Variants in CNTN4 observed in about 807,000 individuals in gnomAD.
CNTN4 encodes the protein contactin 4.
Under a neutral mutation model 122.5 loss-of-function variants are expected in CNTN4, and 77 were observed. The observed-to-expected ratio is 0.63, with a 90% confidence interval of 0.52 to 0.76. CNTN4 has a LOEUF of 0.76. Among genes scored for constraint, CNTN4 ranks in the 30% least tolerant of loss-of-function variants. CNTN4 has a pLI of 0.00. For synonymous variants in CNTN4, 512 were observed against 447.0 expected (o/e 1.15, Z -1.83); for missense variants, 1,256 against 1,259.1 (o/e 1.00, Z 0.04).
intron 4 of CNTN4, among the ~76,000 whole-genome samples, chr3:2,685,840 G>A (rs990621442): frequency 3.3e-5 from 5 of 152,012 alleles, no homozygotes; most frequent in Non-Finnish European, 5.9e-5. Context: ...TTACATTAGT[G>A]GACTTTTTGC....
chr3:3,043,776 C>T (rs1159051145), intron 23 of CNTN4, 72 bp downstream of exon 23: 3 of 952,836 alleles, frequency 3.1e-6, no homozygotes, highest in South Asian at 1.3e-5. Flanking sequence ...ATGAATTATA[C>T]AGTTGTCTGC....
chr3:2,911,828 CT>C (rs2094303383), intron 12 of CNTN4, among the ~76,000 whole-genome samples: 1 of 152,034 alleles, frequency 6.6e-6, no homozygotes, highest in Non-Finnish European at 1.5e-5. Flanking sequence ...CAACAACAGG[CT>C]TGACCAGACA....
chr3:2,125,511 A>G (rs530645493), intron 2 of CNTN4, among the ~76,000 whole-genome samples: 5 of 151,218 alleles, frequency 3.3e-5, no homozygotes, highest in Admixed American at 2.0e-4. Context: ...CTTGACTTCA[A>G]TTCCTTTGGG....
chr3:2,280,434 C>G (rs180902038), intron 2 of CNTN4, among the ~76,000 whole-genome samples: 17 of 152,260 alleles, frequency 1.1e-4, no homozygotes, highest in African/African-American at 4.1e-4. Flanking sequence ...CTTTTGTACT[C>G]AAGTAACAAA....
rs1405227029 is a variant in CNTN4 at position 2,916,650 on chromosome 3, C to T, written c.1208-8979C>T. Among the ~76,000 whole-genome samples, 16 of 104,178 alleles carry T rather than the reference C, an allele frequency of 1.5e-4. 3 individuals are homozygous for T. Among genetic ancestry groups the T allele is most frequent in the East Asian group, 1.4e-3 (3 of 2,212 alleles). The allele number at this position is 104,178 out of a possible 152,430, so 68.3% of individuals were successfully genotyped here. On this transcript the variant is annotated intron_variant, in intron 12 of 24. Coordinates refer to ENST00000418658, the MANE Select transcript of CNTN4 (RefSeq NM_175607.3). ...CTGATTTCTCTTTCCTTTCCCCACA[C>T]TTCCCCCCCTTCCACTCGACAAAAC...
chr3:2,609,635 G>GA lies in CNTN4; in HGVS notation c.55+38082dup, dbSNP rs554016466. ...CTAAAGTTAATTAAACATTATGGCT[G>GA]AAAAATGAGTTTTAGTTTCCTCTCT... On this transcript the variant is annotated intron_variant, in intron 4 of 24. Transcript: ENST00000418658. Among the ~76,000 whole-genome samples, 694 of 152,210 alleles carry GA rather than the reference G, an allele frequency of 4.6e-3. 4 individuals are homozygous for GA. Among genetic ancestry groups the GA allele is most frequent in the Non-Finnish European group, 4.6e-3 (315 of 68,014 alleles).
intron 3 of CNTN4, among the ~76,000 whole-genome samples, chr3:2,466,399 A>G (rs899200964): frequency 1.3e-5 from 2 of 152,218 alleles, no homozygotes; most frequent in African/African-American, 4.8e-5. Flanking sequence ...ACCAACATCT[A>G]CAGGAGTTGT....
At chr3:2,721,288 A>G (rs116794190) in intron 4 of CNTN4, among the ~76,000 whole-genome samples, 171 of 152,298 alleles carry the variant, frequency 1.1e-3, no homozygotes, top group African/African-American at 3.6e-3. Flanking sequence ...ATTGGTTTAG[A>G]ATCAGTTTTC....
chr3:2,751,365 C>G (rs1354699110), intron 6 of CNTN4, among the ~76,000 whole-genome samples: 1 of 151,964 alleles, frequency 6.6e-6, no homozygotes, highest in African/African-American at 2.4e-5. Context: ...TGGAATGAAT[C>G]AAACAAGCCC....
chr3:2,581,176 G>C (rs114955458), intron 4 of CNTN4, among the ~76,000 whole-genome samples: 258 of 152,224 alleles, frequency 1.7e-3, no homozygotes, highest in Non-Finnish European at 3.1e-3. Flanking sequence ...TTTTAACAAG[G>C]CCTCCAAGGG....
At chr3:2,595,195 CTGAG>C (rs1451743101) in intron 4 of CNTN4, among the ~76,000 whole-genome samples, 2 of 152,158 alleles carry the variant, frequency 1.3e-5, no homozygotes, top group Non-Finnish European at 2.9e-5. Flanking sequence ...ACACAATTGA[CTGAG>C]TATTTCTGAT....
Position 2,773,737 on chromosome 3 carries a change from G to C in CNTN4, c.358+28040G>C, listed in dbSNP as rs146814637. 1.4e-3 allele frequency among the ~76,000 whole-genome samples: 202 copies of C among 145,794 alleles called. 1 individual carries two copies. The highest frequency in any genetic ancestry group is 4.8e-3 in the African/African-American group (192 of 39,862). ...CCAAACTCTGGCACTGAGTAATAAT[G>C]AAGCCTTCATCTCAATGTAGTAGAC... On this transcript the variant is annotated intron_variant, in intron 6 of 24. Coordinates refer to ENST00000418658, the MANE Select transcript of CNTN4 (RefSeq NM_175607.3).
chr3:2,169,509 C>T (rs1294464336), intron 2 of CNTN4, among the ~76,000 whole-genome samples: 1 of 151,086 alleles, frequency 6.6e-6, no homozygotes, highest in Non-Finnish European at 1.5e-5. Context: ...CGGGTTCCCG[C>T]CATTCTCCTG....
At chr3:3,003,710 AAAAAC>A (rs1465508587) in intron 14 of CNTN4, among the ~76,000 whole-genome samples, 109 of 145,816 alleles carry the variant, frequency 7.5e-4, no homozygotes, top group African/African-American at 2.0e-3. Context: ...AAAAAAAAAA[AAAAAC>A]AAAAAAACCC....
intron 6 of CNTN4, among the ~76,000 whole-genome samples, chr3:2,795,452 T>C (rs1207187071): frequency 2.0e-5 from 3 of 152,088 alleles, no homozygotes; most frequent in Admixed American, 1.3e-4. Context: ...TATAATCTAT[T>C]CTGTTAAATG....
chr3:2,410,857 T>C (rs980789720), intron 3 of CNTN4, among the ~76,000 whole-genome samples: 2 of 152,212 alleles, frequency 1.3e-5, no homozygotes, highest in African/African-American at 4.8e-5. Context: ...TGTGGGATCT[T>C]GGTCAAGCAA....
At chr3:2,143,511 A>G (rs1266243508) in intron 2 of CNTN4, among the ~76,000 whole-genome samples, 1 of 152,204 alleles carries the variant, frequency 6.6e-6, no homozygotes, top group Non-Finnish European at 1.5e-5. Flanking sequence ...ATTTAGACAT[A>G]AAGAATCTTA....
intron 7 of CNTN4, among the ~76,000 whole-genome samples, chr3:2,833,197 C>G (rs991074067): frequency 1.3e-5 from 2 of 152,110 alleles, no homozygotes; most frequent in Non-Finnish European, 1.5e-5. Context: ...TTCTATGAAA[C>G]AAAGATGCCA....
In CNTN4 at chr3:2,112,033, A is replaced by G. The variant is rs551061366; in HGVS notation, c.-145+11394A>G. On this transcript the variant is annotated intron_variant, in intron 2 of 24. Coordinates refer to ENST00000418658, the MANE Select transcript of CNTN4 (RefSeq NM_175607.3). ...GGAGACAGAGGAAGGCAACATTTCC[A>G]TAGTGTGTTGTTTTATGGTTGACTA... 8.5e-5 allele frequency among the ~76,000 whole-genome samples: 13 copies of G among 152,288 alleles called. No individual in the cohort carries two copies. In the South Asian group the frequency reaches 2.5e-3, roughly 29 times the overall value.
Sources: allele counts gnomAD v4.1 joint callset (sites outside exome capture counted in the v4.1 genomes callset), GRCh38; gene constraint gnomAD v4.1.1; transcripts MANE v1.5; gene names NCBI Gene and HGNC (gene_info 2026-07-23, HGNC 2026-07-21).